SMCO2: variants seen among roughly 807,000 people sequenced by gnomAD.
SMCO2 encodes single-pass membrane protein with coiled-coil domains 2.
SMCO2 carries 25 observed loss-of-function variants against 29.5 expected under a neutral mutation model. The observed-to-expected ratio is 0.85, with a 90% CI of 0.62 to 1.18. The LOEUF is 1.18. Among genes scored for constraint, SMCO2 ranks in the 50% most tolerant of loss-of-function variants. The pLI, the probability that SMCO2 is intolerant of heterozygous loss-of-function variation, is 0.00. For synonymous variants in SMCO2, 117 were observed against 123.3 expected (o/e 0.95, Z 0.34); for missense variants, 348 against 344.5 (o/e 1.01, Z -0.08).
upstream of SMCO2, among the ~76,000 whole-genome samples, chr12:27,465,098 C>T (rs566713740): frequency 1.3e-5 from 2 of 151,198 alleles, no homozygotes; most frequent in Non-Finnish European, 2.9e-5. Context: ...AGAATTTGGC[C>T]GAGTACCTGT....
At chr12:27,479,886 C>T (rs34042283) in intron 4 of SMCO2, among the ~76,000 whole-genome samples, 18,234 of 152,092 alleles carry the variant, frequency 0.12, 2,091 homozygotes, top group African/African-American at 0.28. Flanking sequence ...CAGTCTCACA[C>T]GTCTTTACTA....
intron 4 of SMCO2, among the ~76,000 whole-genome samples, chr12:27,484,872 AT>A (rs370162307): frequency 0.094 from 6,455 of 68,564 alleles, 129 homozygotes; most frequent in East Asian, 0.2. Context: ...AAAAAAAAAA[AT>A]ATATATATAT....
chr12:27,470,518 A>G, intron 1 of SMCO2, 104 bp from the exon 2 acceptor site: 1 of 1,314,454 alleles, frequency 7.6e-7, no homozygotes, highest in South Asian at 1.5e-5. Flanking sequence ...GGGAGGAATT[A>G]AAGCCAAATG....
At chr12:27,472,936 A>C in intron 3 of SMCO2, 61 bp downstream of exon 3, 3 of 1,178,568 alleles carry the variant, frequency 2.5e-6, no homozygotes, top group Non-Finnish European at 3.7e-6. Context: ...GAAGAGAAGA[A>C]CTTCACGCCG....
At chr12:27,487,343 C>CT (rs138009586) in intron 4 of SMCO2, among the ~76,000 whole-genome samples, 2,933 of 152,202 alleles carry the variant, frequency 0.019, 98 homozygotes, top group African/African-American at 0.067. Flanking sequence ...CTGAGATTGG[C>CT]TTTTTTTCAC....
At chr12:27,424,856 C>A in the SMCO2 span, 3 of 152,056 alleles carry the variant, frequency 2.0e-5, no homozygotes, top group African/African-American at 7.2e-5. Flanking sequence ...CTTTTTTTTC[C>A]AAGCTCCATG....
chr12:27,448,420 G>A, the SMCO2 span, among the ~76,000 whole-genome samples: 6 of 152,150 alleles, frequency 3.9e-5, no homozygotes, highest in Admixed American at 3.9e-4. Context: ...TAGAAAGGGT[G>A]GCCACACTTG....
At chr12:27,460,665 G>A in the SMCO2 span, among the ~76,000 whole-genome samples, 1 of 151,998 alleles carries the variant, frequency 6.6e-6, no homozygotes, top group Admixed American at 6.5e-5. Flanking sequence ...AGGCAGGAGA[G>A]GCAGGCACAC....
At chr12:27,446,010 T>C in the SMCO2 span, among the ~76,000 whole-genome samples, 1 of 152,018 alleles carries the variant, frequency 6.6e-6, no homozygotes, top group Admixed American at 6.6e-5. Context: ...TTCAAATGAT[T>C]CTCCTGCCTC....
At position 27,470,809 on chromosome 12, in the gene SMCO2, ACTG is replaced by A. The variant is rs1565674012; in HGVS notation, c.134+46_134+48del. 2.3e-5 allele frequency: 35 copies of A among 1,541,166 alleles called. No homozygotes were observed. In the African/African-American group the frequency reaches 4.1e-4, roughly 18 times the overall value. On this transcript the variant is annotated intron_variant, in intron 2 of 7. Transcript: ENST00000298876. ...TGCAGAAGCAGTTTCTAGGGTCCCA[ACTG>A]CAGACGTTCTTGGGCCAGCGGTATG... is the stretch of plus-strand genomic sequence containing the variant.
chr12:27,431,189 A>T, the SMCO2 span, among the ~76,000 whole-genome samples: 1 of 151,828 alleles, frequency 6.6e-6, no homozygotes. Flanking sequence ...CTAATTTTTT[A>T]AATTTTTAGT....
the SMCO2 span, among the ~76,000 whole-genome samples, chr12:27,441,392 C>A: frequency 2.6e-5 from 4 of 152,198 alleles, no homozygotes; most frequent in African/African-American, 4.8e-5. Context: ...GTTGAGAAAG[C>A]TATTCCATGC....
At chr12:27,495,459 G>T (rs1405699483) in intron 6 of SMCO2, among the ~76,000 whole-genome samples, 1 of 150,318 alleles carries the variant, frequency 6.7e-6, no homozygotes, top group East Asian at 1.9e-4. Context: ...TAGCATGTGG[G>T]TTTCATTTAG....
the SMCO2 span, among the ~76,000 whole-genome samples, chr12:27,427,437 AC>A: frequency 6.6e-6 from 1 of 152,218 alleles, no homozygotes; most frequent in Non-Finnish European, 1.5e-5. Flanking sequence ...GGACGTATCC[AC>A]AGACCTCTTA....
intron 4 of SMCO2, among the ~76,000 whole-genome samples, chr12:27,477,953 G>T (rs1949604401): frequency 6.6e-6 from 1 of 152,016 alleles, no homozygotes; most frequent in African/African-American, 2.4e-5. Flanking sequence ...CTCCTTTGGA[G>T]ATGTCATGTT....
At chr12:27,453,070 C>T in the SMCO2 span, among the ~76,000 whole-genome samples, 1 of 152,190 alleles carries the variant, frequency 6.6e-6, no homozygotes, top group Non-Finnish European at 1.5e-5. Flanking sequence ...AAGTTGCTAT[C>T]CCAATGGCCA....
chr12:27,456,106 T>G, the SMCO2 span, among the ~76,000 whole-genome samples: 1 of 152,060 alleles, frequency 6.6e-6, no homozygotes, highest in Non-Finnish European at 1.5e-5. Flanking sequence ...TCCCAGCTAC[T>G]CGGGAGGCTG....
At chr12:27,424,921 G>A in the SMCO2 span, 28 of 152,196 alleles carry the variant, frequency 1.8e-4, no homozygotes, top group African/African-American at 6.8e-4. Context: ...AGCCTGTCTG[G>A]TGTGAGTTGT....
chr12:27,443,648 G>A, the SMCO2 span, among the ~76,000 whole-genome samples: 1 of 152,120 alleles, frequency 6.6e-6, no homozygotes, highest in African/African-American at 2.4e-5. Flanking sequence ...TGTTAGAACT[G>A]ATAAATTCAA....
Sources: gnomAD v4.1 joint callset for allele counts (sites outside exome capture counted in the v4.1 genomes callset) on GRCh38, gnomAD v4.1.1 for gene constraint, MANE v1.5 for transcripts, NCBI Gene and HGNC (gene_info 2026-07-23, HGNC 2026-07-21) for gene names.